PARD3B: variants seen among roughly 807,000 people sequenced by gnomAD.
The protein encoded by PARD3B is par-3 family cell polarity regulator beta, also known as partitioning defective 3 homolog B.
Under a neutral mutation model 130.2 loss-of-function variants are expected in PARD3B, and 103 were observed. The ratio of observed to expected loss-of-function variants is 0.79; its 90% CI spans 0.67 to 0.93. PARD3B has a LOEUF of 0.93. Among genes scored for constraint, PARD3B ranks in the 40% least tolerant of loss-of-function variants. The probability of loss-of-function intolerance (pLI) is 0.00; values close to 1 mark genes in which losing one functional copy is unlikely to be tolerated. For missense variants in PARD3B, 1,609 were observed against 1,499.2 expected (o/e 1.07, Z -1.21); for synonymous variants, 583 against 553.2 (o/e 1.05, Z -0.76).
At chr2:205,054,283 A>G (rs1699437218) in intron 4 of PARD3B, among the ~76,000 whole-genome samples, 1 of 150,686 alleles carries the variant, frequency 6.6e-6, no homozygotes, top group African/African-American at 2.4e-5. Context: ...TGAGATCCCT[A>G]TTTAGGTGTG....
At chr2:204,712,456 C>T (rs967023085) in intron 2 of PARD3B, among the ~76,000 whole-genome samples, 9 of 151,618 alleles carry the variant, frequency 5.9e-5, no homozygotes, top group African/African-American at 1.9e-4. Flanking sequence ...ACTAAAAATA[C>T]AAAAATTATC....
chr2:204,888,703 C>G (rs2046344936), intron 2 of PARD3B, among the ~76,000 whole-genome samples: 1 of 147,062 alleles, frequency 6.8e-6, no homozygotes, highest in South Asian at 2.1e-4. Flanking sequence ...TGTACTCCAG[C>G]CTGGGCAACA....
At position 205,342,807 on chromosome 2, in the gene PARD3B, A is replaced by G. The variant is rs545380284; in HGVS notation, c.2630+41106A>G. 1.9e-3 allele frequency among the ~76,000 whole-genome samples: 290 copies of G among 152,160 alleles called. 1 individual carries two copies. Among genetic ancestry groups the G allele is most frequent in the African/African-American group, 6.6e-3 (273 of 41,520 alleles). On this transcript the variant is annotated intron_variant, in intron 18 of 22. Coordinates refer to ENST00000406610, the MANE Select transcript of PARD3B (RefSeq NM_001302769.2). ...AACCTTATTCCATCCAGGTGTCAACATTTTTTTCTCATCACCATGCATCTT... is the reference window on the plus strand; with the variant it reads ...AACCTTATTCCATCCAGGTGTCAACGTTTTTTTCTCATCACCATGCATCTT...
chr2:204,947,809 G>C (rs1220414878), intron 2 of PARD3B, among the ~76,000 whole-genome samples: 1 of 152,178 alleles, frequency 6.6e-6, no homozygotes, highest in African/African-American at 2.4e-5. Context: ...AAAGTGACAT[G>C]TCATCTTCTA....
At chr2:205,569,052 AT>A (rs1478259071) in intron 22 of PARD3B, among the ~76,000 whole-genome samples, 1 of 152,226 alleles carries the variant, frequency 6.6e-6, no homozygotes, top group Admixed American at 6.5e-5. Context: ...ACTATAAATC[AT>A]TTTTGAAAAC....
chr2:204,553,638 ATTTATATATATC>A lies in PARD3B; in HGVS notation c.120+7520_120+7531del, dbSNP rs1398959145. On this transcript the variant is annotated intron_variant, in intron 1 of 22. Coordinates refer to ENST00000406610, the MANE Select transcript of PARD3B (RefSeq NM_001302769.2). ...GCTATATACATATATATGGATATAT[ATTTATATATATC>A]CATATATATATATATATATATATAT... 2.7e-3 allele frequency among the ~76,000 whole-genome samples: 342 copies of A among 127,244 alleles called. 3 individuals carry two copies. The highest frequency in any genetic ancestry group is 0.01 in the African/African-American group (316 of 31,574). 83.5% of individuals were successfully genotyped at this position (127,244 alleles called of 152,430 possible).
intron 1 of PARD3B, among the ~76,000 whole-genome samples, chr2:204,609,407 A>G (rs1559182927): frequency 6.6e-6 from 1 of 152,128 alleles, no homozygotes; most frequent in Non-Finnish European, 1.5e-5. Context: ...AGGTCCTGGG[A>G]AGGTGTGCCC....
intron 2 of PARD3B, among the ~76,000 whole-genome samples, chr2:204,949,401 T>C (rs1575395427): frequency 6.6e-6 from 1 of 152,108 alleles, no homozygotes; most frequent in East Asian, 1.9e-4. Flanking sequence ...TACTGCAGCC[T>C]TGACCTCCTA....
At chr2:204,898,170 C>T (rs1168072394) in intron 2 of PARD3B, among the ~76,000 whole-genome samples, 8 of 150,642 alleles carry the variant, frequency 5.3e-5, no homozygotes, top group African/African-American at 1.7e-4. Context: ...AACCATGGAC[C>T]ATTTCTTTTT....
chr2:204,607,759 C>G (rs1210721979), intron 1 of PARD3B, among the ~76,000 whole-genome samples: 1 of 152,148 alleles, frequency 6.6e-6, no homozygotes, highest in African/African-American at 2.4e-5. Flanking sequence ...GCCTCACACT[C>G]CTTCAGGGAC....
intron 18 of PARD3B, among the ~76,000 whole-genome samples, chr2:205,311,695 G>A (rs1189948951): frequency 6.6e-6 from 1 of 152,118 alleles, no homozygotes; most frequent in East Asian, 1.9e-4. Flanking sequence ...AAATGACATA[G>A]CTAAAATCAT....
rs1360243887 is a variant in PARD3B at position 205,525,048 on chromosome 2, TGAACCATGGCAAGAACC to T, written c.3180+25018_3180+25034del. Reference sequence around the variant, plus strand: ...GCCAGAATAAGAGATTTCTTAGTGATGAACCATGGCAAGAACCAGGACAGTTTTATTGCCTCACAAAG... The same window carrying T: ...GCCAGAATAAGAGATTTCTTAGTGATAGGACAGTTTTATTGCCTCACAAAG... On this transcript the variant is annotated intron_variant, in intron 21 of 22. Coordinates refer to ENST00000406610, the MANE Select transcript of PARD3B (RefSeq NM_001302769.2). The surrounding 1 kb of genome is among the most constrained non-coding windows in gnomAD (Gnocchi z 4.2). Among the ~76,000 whole-genome samples the T allele has an allele frequency of 2.0e-5, 3 of 152,232 alleles. No homozygotes were observed. Among genetic ancestry groups the T allele is most frequent in the Non-Finnish European group, 4.4e-5 (3 of 68,034 alleles).
At chr2:204,961,452 G>A (rs1028164250) in intron 2 of PARD3B, among the ~76,000 whole-genome samples, 22 of 152,042 alleles carry the variant, frequency 1.4e-4, no homozygotes, top group African/African-American at 4.6e-4. Flanking sequence ...CCATTAATTG[G>A]GATGTAAAGA....
At chr2:204,791,138 T>A (rs1458340402) in intron 2 of PARD3B, among the ~76,000 whole-genome samples, 3 of 151,064 alleles carry the variant, frequency 2.0e-5, no homozygotes, top group Non-Finnish European at 4.4e-5. Flanking sequence ...AAAAAATGCC[T>A]CTTCATGTTA....
chr2:204,730,363 C>G (rs1241479971), intron 2 of PARD3B, among the ~76,000 whole-genome samples: 1 of 152,080 alleles, frequency 6.6e-6, no homozygotes, highest in Non-Finnish European at 1.5e-5. Flanking sequence ...GCCACCTTGC[C>G]CAGCCTTACA....
At chr2:204,685,389 G>T (rs908507911) in intron 1 of PARD3B, among the ~76,000 whole-genome samples, 1 of 152,052 alleles carries the variant, frequency 6.6e-6, no homozygotes, top group African/African-American at 2.4e-5. Context: ...TTGTCCCATC[G>T]CTATAATGGT....
intron 20 of PARD3B, among the ~76,000 whole-genome samples, chr2:205,495,109 CAT>C (rs1345541281): frequency 1.3e-5 from 2 of 152,074 alleles, no homozygotes; most frequent in African/African-American, 4.8e-5. Context: ...ATGTTTATGA[CAT>C]GTGGGAATTT....
intron 18 of PARD3B, among the ~76,000 whole-genome samples, chr2:205,329,306 C>T (rs1042100163): frequency 6.6e-6 from 1 of 152,102 alleles, no homozygotes; most frequent in African/African-American, 2.4e-5. Flanking sequence ...AGCAAGTGCT[C>T]GAGGCATATT....
intron 3 of PARD3B, among the ~76,000 whole-genome samples, chr2:204,972,245 A>G (rs995907435): frequency 9.8e-5 from 15 of 152,326 alleles, no homozygotes; most frequent in Non-Finnish European, 1.8e-4. Flanking sequence ...ATGAATATAT[A>G]TAGGCCTCAT....
Sources: gnomAD v4.1 joint callset for allele counts (sites outside exome capture counted in the v4.1 genomes callset) on GRCh38, gnomAD v4.1.1 for gene constraint, Gnocchi (gnomAD v3.1) non-coding constraint, MANE v1.5 for transcripts, NCBI Gene and HGNC (gene_info 2026-07-23, HGNC 2026-07-21) for gene names.